The following RTF2 variants were observed in gnomAD, a reference collection of about 807,000 sequenced individuals.
RTF2 encodes UPF0549 protein C20orf43.
Under a neutral mutation model 38.0 loss-of-function variants are expected in RTF2, and 18 were observed. That is an observed-to-expected ratio of 0.47 (90% CI 0.33 to 0.70). RTF2 has a LOEUF of 0.70. RTF2 is among the 30% of genes least tolerant of loss of function. The probability of loss-of-function intolerance (pLI) is 0.02; values close to 1 mark genes in which losing one functional copy is unlikely to be tolerated. For synonymous variants in RTF2, 126 were observed against 137.1 expected (o/e 0.92, Z 0.57); for missense variants, 311 against 379.6 (o/e 0.82, Z 1.50).
chr20:56,502,560 T>C (rs539264320), intron 5 of RTF2, among the ~76,000 whole-genome samples: 96 of 152,300 alleles, frequency 6.3e-4, no homozygotes, highest in African/African-American at 2.2e-3. Context: ...CAGCATCCCA[T>C]ATATACTCTT....
In RTF2 at chr20:56,518,163, A is replaced by G. The variant is rs1427656473; in HGVS notation, c.819A>G (p.Glu273=). The G allele has an allele frequency of 1.9e-6, 3 of 1,614,168 alleles. No homozygotes were observed. Among genetic ancestry groups the G allele is most frequent in the South Asian group, 1.1e-5 (1 of 91,078 alleles). ...CAAAGAGGTCCATCGCTGACAGTGA[A>G]GAATCGGAGGCCTACAAGTCCCTCT... ...GATKRSIADS[E]ESEAYKSLFT... Residue 273 remains glutamate, a synonymous_variant, in exon 9 of 9, where the codon GAA becomes GAG. Transcript: ENST00000357348.
chr20:56,485,443 A>T (rs904018870), intron 5 of RTF2, among the ~76,000 whole-genome samples: 2 of 152,164 alleles, frequency 1.3e-5, no homozygotes, highest in Non-Finnish European at 2.9e-5. Context: ...GGGCTTATGG[A>T]TGTTATTCGA....
At chr20:56,468,816 C>A in intron 1 of RTF2, 50 bp downstream of exon 1, 1 of 1,471,542 alleles carries the variant, frequency 6.8e-7, no homozygotes, top group Non-Finnish European at 9.3e-7. Flanking sequence ...GGGAATTTGA[C>A]GACCCCAGAA....
At chr20:56,506,496 A>C (rs1469854005) in intron 5 of RTF2, among the ~76,000 whole-genome samples, 2 of 152,158 alleles carry the variant, frequency 1.3e-5, no homozygotes, top group African/African-American at 4.8e-5. Flanking sequence ...ATCTAGATAC[A>C]TTAGCATATT....
intron 1 of RTF2, 63 bp downstream of exon 1, chr20:56,468,829 C>T: frequency 7.2e-7 from 1 of 1,394,210 alleles, no homozygotes; most frequent in Non-Finnish European, 9.9e-7. Context: ...CCCCAGAAAA[C>T]GAGAGGAAGT....
rs571746540 is a variant in RTF2 at position 56,483,652 on chromosome 20, G to A, written c.399-459G>A. Among the ~76,000 whole-genome samples the A allele has an allele frequency of 3.3e-5, 5 of 152,202 alleles. No homozygotes were observed. In the South Asian group the frequency reaches 8.3e-4, roughly 25 times the overall value. ...GCCCCAATCTCCTGAATTACTGCCCGATAGGTAAAAAATGATGTGTCCTGG... is the reference window on the plus strand; with the variant it reads ...GCCCCAATCTCCTGAATTACTGCCCAATAGGTAAAAAATGATGTGTCCTGG... On this transcript the variant is annotated intron_variant, in intron 4 of 8. Transcript: ENST00000357348.
intron 5 of RTF2, among the ~76,000 whole-genome samples, chr20:56,489,841 G>A (rs1253837396): frequency 6.6e-6 from 1 of 152,194 alleles, no homozygotes; most frequent in African/African-American, 2.4e-5. Context: ...AAAATACCGG[G>A]GACATAATCG....
At chr20:56,484,583 A>G (rs1011478550) in intron 5 of RTF2, among the ~76,000 whole-genome samples, 14 of 152,164 alleles carry the variant, frequency 9.2e-5, no homozygotes, top group Non-Finnish European at 2.1e-4. Context: ...GTAATTGCGT[A>G]TGTATGTGTC....
chr20:56,514,295 A>G (rs73913962), intron 6 of RTF2: 95 of 152,208 alleles, frequency 6.2e-4, no homozygotes, highest in African/African-American at 2.3e-3. Context: ...GTTCATGTTT[A>G]CAGATGATAG....
chr20:56,484,301 T>C, intron 5 of RTF2, 112 bp downstream of exon 5: 1 of 917,568 alleles, frequency 1.1e-6, no homozygotes, highest in Non-Finnish European at 1.8e-6. Context: ...ATAAGTTGCT[T>C]TTCTGCTTCC....
chr20:56,486,851 C>T (rs988829878), intron 5 of RTF2, among the ~76,000 whole-genome samples: 15 of 151,936 alleles, frequency 9.9e-5, no homozygotes, highest in Non-Finnish European at 2.1e-4. Flanking sequence ...GCTCATGGGG[C>T]AGAAGCAGCC....
At chr20:56,483,093 A>G (rs1216160718) in intron 4 of RTF2, among the ~76,000 whole-genome samples, 1 of 152,012 alleles carries the variant, frequency 6.6e-6, no homozygotes, top group Non-Finnish European at 1.5e-5. Flanking sequence ...TTATTTGACC[A>G]TTTCCCTACT....
intron 5 of RTF2, among the ~76,000 whole-genome samples, chr20:56,496,463 G>A (rs1351031760): frequency 2.0e-5 from 3 of 152,310 alleles, no homozygotes; most frequent in East Asian, 1.9e-4. Context: ...TGGGAGAATC[G>A]CGTGAACCCG....
chr20:56,503,941 C>G (rs1274485913), intron 5 of RTF2: 2 of 152,748 alleles, frequency 1.3e-5, no homozygotes, highest in Non-Finnish European at 2.9e-5. Flanking sequence ...ACACTCCAGC[C>G]TGGGTGACAA....
At chr20:56,495,663 C>A (rs1344410106) in intron 5 of RTF2, among the ~76,000 whole-genome samples, 2 of 152,092 alleles carry the variant, frequency 1.3e-5, no homozygotes, top group Non-Finnish European at 2.9e-5. Flanking sequence ...TCTGTAACAG[C>A]CCTCGGAGAT....
At chr20:56,495,383 T>G in intron 5 of RTF2, 7 of 1,027,444 alleles carry the variant, frequency 6.8e-6, no homozygotes, top group Non-Finnish European at 1.0e-5. Flanking sequence ...TCATTTCCAT[T>G]TCCTCTAGAT....
At chr20:56,511,167 A>G (rs1306437391) in intron 5 of RTF2, among the ~76,000 whole-genome samples, 1 of 152,182 alleles carries the variant, frequency 6.6e-6, no homozygotes, top group Admixed American at 6.5e-5. Flanking sequence ...AATAAGTTTT[A>G]AAGCTTTAGA....
chr20:56,496,702 G>A lies in RTF2; in HGVS notation c.477+12513G>A, dbSNP rs772440353. 75 of 1,551,100 alleles carry A rather than the reference G, an allele frequency of 4.8e-5. 2 individuals carry two copies. The South Asian group carries it at 5.6e-4, about 12-fold the overall frequency. On this transcript the variant is annotated intron_variant, in intron 5 of 8. Transcript: ENST00000357348. Reference sequence around the variant, plus strand: ...GGGCTGCGGATGTCTTTGGACCACTGAAGCATGTCTTTTGCATGGATGTCA... The same window carrying A: ...GGGCTGCGGATGTCTTTGGACCACTAAAGCATGTCTTTTGCATGGATGTCA...
chr20:56,477,544 T>G (rs1280586482), intron 4 of RTF2, among the ~76,000 whole-genome samples: 1 of 151,972 alleles, frequency 6.6e-6, no homozygotes, highest in Non-Finnish European at 1.5e-5. Flanking sequence ...TATAGTTTTA[T>G]TTTTATCCTT....
Sources: allele counts gnomAD v4.1 joint callset (sites outside exome capture counted in the v4.1 genomes callset), GRCh38; gene constraint gnomAD v4.1.1; transcripts MANE v1.5; gene names NCBI Gene and HGNC (gene_info 2026-07-23, HGNC 2026-07-21).